The following CPXM2 variants were observed in gnomAD, a reference collection of about 807,000 sequenced individuals.
CPXM2 encodes carboxypeptidase X, M14 family member 2, also known as inactive carboxypeptidase-like protein X2.
In CPXM2, 66 loss-of-function variants were observed where a neutral mutation model predicts 86.1. That is an observed-to-expected ratio of 0.77 (90% CI 0.63 to 0.94). The LOEUF (loss-of-function observed/expected upper bound fraction) is 0.94, where lower values mean the gene tolerates loss of function less well. Ranked by LOEUF, CPXM2 falls within the 40% of genes least tolerant of loss-of-function variation. The probability of loss-of-function intolerance (pLI) is 0.00; values close to 1 mark genes in which losing one functional copy is unlikely to be tolerated. For synonymous variants in CPXM2, 388 were observed against 400.2 expected (o/e 0.97, Z 0.36); for missense variants, 948 against 1,026.3 (o/e 0.92, Z 1.04).
chr10:123,748,024 A>G (rs1206861808), intron 13 of CPXM2, among the ~76,000 whole-genome samples: 1 of 151,808 alleles, frequency 6.6e-6, no homozygotes, highest in Non-Finnish European at 1.5e-5. Flanking sequence ...ATCAGAGACC[A>G]TGAAACAGAA....
chr10:123,881,736 T>C (rs1945096937), intron 1 of CPXM2, among the ~76,000 whole-genome samples: 2 of 152,274 alleles, frequency 1.3e-5, no homozygotes, highest in African/African-American at 2.4e-5. Flanking sequence ...TGGGTGTCCC[T>C]GTGGGGAAAG....
chr10:123,851,346 A>T (rs1340162586), intron 3 of CPXM2, among the ~76,000 whole-genome samples: 1 of 152,210 alleles, frequency 6.6e-6, no homozygotes, highest in Non-Finnish European at 1.5e-5. Flanking sequence ...ATCCTCAGGA[A>T]AGTCCTCCAA....
chr10:123,803,453 A>G (rs750019243), intron 4 of CPXM2, among the ~76,000 whole-genome samples: 1 of 151,398 alleles, frequency 6.6e-6, no homozygotes, highest in African/African-American at 2.4e-5. Flanking sequence ...ATATAATCCA[A>G]TCTTAGCCAT....
chr10:123,920,084 G>A (rs1462128535), intron 2 of CPXM2, among the ~76,000 whole-genome samples: 2 of 152,134 alleles, frequency 1.3e-5, no homozygotes, highest in African/African-American at 4.8e-5. Flanking sequence ...ATTTCAACAT[G>A]AGATTTAATG....
intron 6 of CPXM2, among the ~76,000 whole-genome samples, chr10:123,794,351 A>T (rs1847276352): frequency 6.6e-6 from 1 of 152,218 alleles, no homozygotes; most frequent in South Asian, 2.1e-4. Flanking sequence ...GGGCAGTTCC[A>T]GGGGCTCAAG....
chr10:123,920,071 T>C (rs1293467034), intron 2 of CPXM2, among the ~76,000 whole-genome samples: 1 of 152,168 alleles, frequency 6.6e-6, no homozygotes, highest in African/African-American at 2.4e-5. Flanking sequence ...CAGCAGGGGA[T>C]AAATTTCAAC....
intron 6 of CPXM2, among the ~76,000 whole-genome samples, chr10:123,785,570 A>T (rs1355599906): frequency 6.6e-6 from 1 of 151,806 alleles, no homozygotes; most frequent in African/African-American, 2.4e-5. Flanking sequence ...TAGCTCAAGC[A>T]ACTTTGGCTT....
In CPXM2 at chr10:123,865,174, A is replaced by G. The variant is rs960532548; in HGVS notation, c.404-2451T>C. Among the ~76,000 whole-genome samples the G allele has an allele frequency of 4.6e-5, 7 of 152,180 alleles. No individual in the cohort carries two copies. Among genetic ancestry groups the G allele is most frequent in the Admixed American group, 4.6e-4 (7 of 15,288 alleles). ...ACACACGAACTTGGCCTGCTCGCAA[A>G]CGTAGTCTTACAGGAACCCAATGCT... is the stretch of plus-strand genomic sequence containing the variant. On this transcript the variant is annotated intron_variant, in intron 2 of 13. Coordinates refer to ENST00000241305, the MANE Select transcript of CPXM2 (RefSeq NM_198148.3). This position sits in a 1 kb window ranked among gnomAD's most constrained non-coding sequence, Gnocchi z 4.7.
At position 123,891,550 on chromosome 10, in the gene CPXM2, C is replaced by G; in HGVS notation, c.110G>C (p.Gly37Ala). ...GAALEDPDYY[G>A]QEIWSREPYY... ...GGGCTCCCGGCTCCAGATCTCCTGC[C>G]CGTAATAATCAGGGTCCTCGAGGGC... The change falls in exon 1 of 14, where the codon GGG becomes GCG. Residue 37 changes from glycine (G) to alanine (A), a missense_variant. Gly to Ala is a moderately conservative substitution (Grantham distance 60). Coordinates refer to ENST00000241305, the MANE Select transcript of CPXM2 (RefSeq NM_198148.3). This position sits in a 1 kb window ranked among gnomAD's most constrained non-coding sequence, Gnocchi z 5.6. 6.5e-7 allele frequency: 1 copy of G among 1,548,236 alleles called. No individual in the cohort carries two copies. Among genetic ancestry groups the G allele is most frequent in the South Asian group, 1.2e-5 (1 of 83,872 alleles).
intron 12 of CPXM2, among the ~76,000 whole-genome samples, chr10:123,755,790 C>A (rs187372814): frequency 6.6e-6 from 1 of 152,196 alleles, no homozygotes; most frequent in Non-Finnish European, 1.5e-5. Flanking sequence ...TGACTTTACG[C>A]ATATTTCGAG....
chr10:123,767,261 C>T, intron 9 of CPXM2, 109 bp from the exon 10 acceptor site: 1 of 955,966 alleles, frequency 1.0e-6, no homozygotes, highest in Non-Finnish European at 1.6e-6. Flanking sequence ...GTCTCTAAGC[C>T]TCTAGATGCC....
At chr10:123,841,655 C>T (rs140987379) in intron 4 of CPXM2, among the ~76,000 whole-genome samples, 43 of 152,350 alleles carry the variant, frequency 2.8e-4, no homozygotes, top group African/African-American at 9.6e-4. Flanking sequence ...TGTCCCCAAG[C>T]TGTACCCATG....
intron 7 of CPXM2, among the ~76,000 whole-genome samples, chr10:123,775,620 C>T (rs1324865469): frequency 6.6e-6 from 1 of 152,230 alleles, no homozygotes; most frequent in Non-Finnish European, 1.5e-5. Flanking sequence ...ATGTTCTACC[C>T]ACTGTCACTG....
rs189808042 is a variant in CPXM2 at position 123,927,542 on chromosome 10, T to G, written n.174+11935A>C. ...TTACAGATGAGGAGACTAACGCACC[T>G]TGCCCAAGGTCACACAGCAAATGAA... On this transcript the variant is annotated intron_variant and non_coding_transcript_variant, in intron 2 of 19. Transcript: ENST00000368854. Among the ~76,000 whole-genome samples the G allele has an allele frequency of 8.0e-3, 1,214 of 152,328 alleles. 17 individuals are homozygous for G. Among genetic ancestry groups the G allele is most frequent in the African/African-American group, 0.027 (1,141 of 41,566 alleles).
chr10:123,756,479 G>GT (rs1380664392), intron 12 of CPXM2, among the ~76,000 whole-genome samples: 1 of 152,174 alleles, frequency 6.6e-6, no homozygotes, highest in Non-Finnish European at 1.5e-5. Context: ...GAGCCCAGCG[G>GT]TACTTGTTAA....
At position 123,810,944 on chromosome 10, in the gene CPXM2, C is replaced by A. The variant is rs184171595; in HGVS notation, c.654-11745G>T. The stretch of plus-strand genomic sequence containing the variant: ...ACTGTGATAATGGTGTATGAATAGA[C>A]AAATTTATAAATGTAAGAGAATTGA... On this transcript the variant is annotated intron_variant, in intron 4 of 13. Coordinates refer to ENST00000241305, the MANE Select transcript of CPXM2 (RefSeq NM_198148.3). Among the ~76,000 whole-genome samples the A allele has an allele frequency of 3.2e-3, 479 of 152,054 alleles. 3 individuals carry two copies. The highest frequency in any genetic ancestry group is 0.011 in the African/African-American group (452 of 41,498).
At chr10:123,925,965 A>G (rs1945619029) in intron 2 of CPXM2, among the ~76,000 whole-genome samples, 2 of 152,234 alleles carry the variant, frequency 1.3e-5, no homozygotes, top group South Asian at 4.1e-4. Flanking sequence ...GTGAAATCTC[A>G]GTAACATATG....
chr10:123,844,991 C>T (rs905284539), intron 3 of CPXM2, among the ~76,000 whole-genome samples: 4 of 150,350 alleles, frequency 2.7e-5, no homozygotes, highest in Admixed American at 1.3e-4. Context: ...TCACTTGAAC[C>T]GGGGGGCAGA....
At chr10:123,891,893 G>GCCCTTCCTTCTTCCCT (rs1184446567), upstream of CPXM2, 2 of 152,228 alleles carry the variant, frequency 1.3e-5, no homozygotes, top group African/African-American at 4.8e-5. This position sits in a 1 kb window ranked among gnomAD's most constrained non-coding sequence, Gnocchi z 5.6. Flanking sequence ...GGCCGGCCCC[G>GCCCTTCCTTCTTCCCT]CCCTTCCTTC....
Sources: allele counts gnomAD v4.1 joint callset (sites outside exome capture counted in the v4.1 genomes callset), GRCh38; gene constraint gnomAD v4.1.1; non-coding constraint Gnocchi (gnomAD v3.1); transcripts MANE v1.5; gene names NCBI Gene and HGNC (gene_info 2026-07-23, HGNC 2026-07-21).